The following C5orf24 variants were observed in gnomAD, a reference collection of about 807,000 sequenced individuals.
The protein encoded by C5orf24 is chromosome 5 open reading frame 24.
A neutral mutation model predicts 9.8 loss-of-function variants in C5orf24; 4 were observed. That is an observed-to-expected ratio of 0.41 (90% confidence interval 0.20 to 0.93). The LOEUF (loss-of-function observed/expected upper bound fraction) is 0.93. Among genes scored for constraint, C5orf24 ranks in the 40% least tolerant of loss-of-function variants. C5orf24 has a pLI of 0.33. For synonymous variants in C5orf24, 73 were observed against 81.3 expected (o/e 0.90, Z 0.55); for missense variants, 170 against 236.9 (o/e 0.72, Z 1.85).
At chr5:134,839,389 T>TA in the C5orf24 span, among the ~76,000 whole-genome samples, 1 of 152,190 alleles carries the variant, frequency 6.6e-6, no homozygotes, top group African/African-American at 2.4e-5. Context: ...ATTTAATAAA[T>TA]ACTTGTTGAA....
chr5:134,854,770 G>C, intron 1 of C5orf24, 128 bp from the exon 2 acceptor site: 3 of 946,500 alleles, frequency 3.2e-6, no homozygotes, highest in Non-Finnish European at 4.7e-6. Context: ...CTGGAGTCCT[G>C]CCTGTTAGCC....
Position 134,856,913 on chromosome 5 carries a change from T to C in C5orf24, c.*1446T>C, listed in dbSNP as rs996481463. 1.0e-6 allele frequency: 1 copy of C among 1,001,362 alleles called. No homozygotes were observed. The highest frequency in any genetic ancestry group is 1.2e-6 in the Non-Finnish European group (1 of 830,826). The allele number at this position is 1,001,362 out of a possible 1,614,324, so 62.0% of individuals were successfully genotyped here. ...ATGCATGAAACATGTAAAAAATATG[T>C]TGGTTAGTTTAATTAAAAATCTTAT... On this transcript the variant is annotated 3_prime_UTR_variant, in exon 2 of 2. Transcript: ENST00000394976.
chr5:134,857,788 G>T lies in C5orf24; in HGVS notation c.*2321G>T. 1 of 180,874 alleles carries T rather than the reference G, an allele frequency of 5.5e-6. No individual in the cohort carries two copies. 11.2% of individuals were successfully genotyped at this position (180,874 alleles called of 1,614,324 possible). On this transcript the variant is annotated 3_prime_UTR_variant, in exon 2 of 2. Transcript: ENST00000394976. ...TTCAAGCCAGTTTCTAAAGACATTT[G>T]TTTAATGTTCTACCATAGAATAATG...
Position 134,857,233 on chromosome 5 carries a change from G to T in C5orf24, c.*1766G>T. On this transcript the variant is annotated 3_prime_UTR_variant, in exon 2 of 2. Transcript: ENST00000394976. ...GCCTTTGAGATTAAAATGTAGAATT[G>T]CAGGACCCAAAAACTTTTAAAATAA... The T allele has an allele frequency of 7.6e-7, 1 of 1,320,042 alleles. No homozygotes were observed. 81.8% of individuals were successfully genotyped at this position (1,320,042 alleles called of 1,614,324 possible). A position where few individuals can be genotyped will look rare whatever the true frequency, so the allele number is the denominator to read the frequency against.
At chr5:134,848,658 C>CAA (rs35768120) in intron 1 of C5orf24, among the ~76,000 whole-genome samples, 23 of 37,572 alleles carry the variant, frequency 6.1e-4, no homozygotes, top group African/African-American at 1.6e-3. Context: ...AACTCCGTCT[C>CAA]AAAAAAAAAA....
At chr5:134,840,594 C>T in the C5orf24 span, among the ~76,000 whole-genome samples, 2 of 152,062 alleles carry the variant, frequency 1.3e-5, no homozygotes, top group Admixed American at 6.6e-5. Context: ...AGTACAGTCA[C>T]GTGATTACAG....
At chr5:134,838,509 A>G in the C5orf24 span, among the ~76,000 whole-genome samples, 2 of 152,170 alleles carry the variant, frequency 1.3e-5, no homozygotes, top group Non-Finnish European at 2.9e-5. Flanking sequence ...CTCTACTAAA[A>G]AACTACAAAA....
Position 134,855,103 on chromosome 5 carries a change from G to C in C5orf24, c.203G>C (p.Ser68Thr), listed in dbSNP as rs1421162259. The C allele has an allele frequency of 6.2e-7, 1 of 1,614,152 alleles. No homozygotes were observed. Among genetic ancestry groups the C allele is most frequent in the Admixed American group, 1.7e-5 (1 of 59,994 alleles). ...PLNETHLQTTSGRSIEIKDEL... is the reference protein window; with the variant it reads ...PLNETHLQTTTGRSIEIKDEL... ...AATGAAACACACTTGCAGACTACAA[G>C]TGGCAGAAGCATAGAAATAAAAGAT... The change falls in exon 2 of 2, where the codon AGT becomes ACT. Residue 68 changes from serine to threonine, a missense_variant. Ser to Thr is a moderately conservative substitution (Grantham distance 58). This residue lies in a region of C5orf24 where 93 missense variants were observed against 104.5 expected (regional missense o/e 0.89). Transcript: ENST00000394976.
Position 134,855,775 on chromosome 5 carries a change from C to A in C5orf24, c.*308C>A. 8.2e-7 allele frequency: 1 copy of A among 1,214,464 alleles called. No homozygotes were observed. The highest frequency in any genetic ancestry group is 1.6e-5 in the African/African-American group (1 of 62,274). 75.2% of individuals were successfully genotyped at this position (1,214,464 alleles called of 1,614,324 possible). A position where few individuals can be genotyped will look rare whatever the true frequency, so the allele number is the denominator to read the frequency against. ...ACTTTGGGGCTGTTCTAAATAGATG[C>A]TTTATGTGATAAACAACTGAAACCA... On this transcript the variant is annotated 3_prime_UTR_variant, in exon 2 of 2. Coordinates refer to ENST00000394976, the MANE Select transcript of C5orf24 (RefSeq NM_001135586.1).
Position 134,855,610 on chromosome 5 carries a change from C to T in C5orf24, c.*143C>T. ...GTTTGGTTTTTTTCCTGCTTTTGCT[C>T]AAAAACTGCCATATGCTGACAGATG... On this transcript the variant is annotated 3_prime_UTR_variant, in exon 2 of 2. Coordinates refer to ENST00000394976, the MANE Select transcript of C5orf24 (RefSeq NM_001135586.1). 1 of 1,479,664 alleles carries T rather than the reference C, an allele frequency of 6.8e-7. No individual in the cohort carries two copies. The highest frequency in any genetic ancestry group is 8.9e-7 in the Non-Finnish European group (1 of 1,119,180). The allele number at this position is 1,479,664 out of a possible 1,614,324, so 91.7% of individuals were successfully genotyped here.
At chr5:134,837,531 G>T in the C5orf24 span, among the ~76,000 whole-genome samples, 1 of 152,058 alleles carries the variant, frequency 6.6e-6, no homozygotes, top group Non-Finnish European at 1.5e-5. Flanking sequence ...TCATGATGTT[G>T]AAACCTAATT....
chr5:134,846,595 C>G (rs189249162), intron 1 of C5orf24: 135 of 152,304 alleles, frequency 8.9e-4, no homozygotes, highest in African/African-American at 3.0e-3. Flanking sequence ...GGTACACAAC[C>G]CTTTCTCTAG....
upstream of C5orf24, among the ~76,000 whole-genome samples, chr5:134,845,071 T>G (rs569549026): frequency 6.6e-6 from 1 of 152,338 alleles, no homozygotes; most frequent in East Asian, 1.9e-4. Context: ...TTTGATCAAC[T>G]GTTCACATGG....
chr5:134,853,346 T>C (rs1361389719), intron 1 of C5orf24, among the ~76,000 whole-genome samples: 2 of 132,860 alleles, frequency 1.5e-5, no homozygotes, highest in Non-Finnish European at 3.1e-5. Context: ...GGGCAACAAG[T>C]GCGAAACTCC....
chr5:134,856,055 C>CATA lies in C5orf24; in HGVS notation c.*590_*591insAAT, dbSNP rs1429625098. 3.0e-6 allele frequency: 3 copies of CATA among 1,000,856 alleles called. No homozygotes were observed. The East Asian group carries it at 3.4e-4, about 113-fold the overall frequency. The allele number at this position is 1,000,856 out of a possible 1,614,324, so 62.0% of individuals were successfully genotyped here. ...GCTTGTAATTTATTGATCTACATGG[C>CATA]ATTAATTGATTTAACCATTATACCT... is the stretch of plus-strand genomic sequence containing the variant. On this transcript the variant is annotated 3_prime_UTR_variant, in exon 2 of 2. Transcript: ENST00000394976.
At chr5:134,852,180 TC>T (rs1166129707) in intron 1 of C5orf24, among the ~76,000 whole-genome samples, 6 of 152,238 alleles carry the variant, frequency 3.9e-5, no homozygotes, top group Non-Finnish European at 7.3e-5. Flanking sequence ...GACTTTGTGA[TC>T]CGCCTGCCTC....
the C5orf24 span, among the ~76,000 whole-genome samples, chr5:134,840,325 A>T: frequency 6.6e-6 from 1 of 151,006 alleles, no homozygotes; most frequent in Non-Finnish European, 1.5e-5. Context: ...AAAAAAAAAA[A>T]AAGAACAGGG....
chr5:134,848,494 T>G (rs1284444988), intron 1 of C5orf24, among the ~76,000 whole-genome samples: 1 of 128,206 alleles, frequency 7.8e-6, no homozygotes, highest in Non-Finnish European at 1.7e-5. Flanking sequence ...TCGTTTCTAC[T>G]AAAAAAAAAA....
intron 1 of C5orf24, among the ~76,000 whole-genome samples, chr5:134,847,318 C>T (rs1042432537): frequency 1.3e-5 from 2 of 152,096 alleles, no homozygotes; most frequent in Non-Finnish European, 2.9e-5. Context: ...TTTTTTGAAA[C>T]GGAGTCTCAC....
Sources: allele counts gnomAD v4.1 joint callset (sites outside exome capture counted in the v4.1 genomes callset), GRCh38; gene constraint gnomAD v4.1.1; regional missense constraint gnomAD v4.1.1; transcripts MANE v1.5; gene names NCBI Gene and HGNC (gene_info 2026-07-23, HGNC 2026-07-21).